The following UGT8 variants were observed in gnomAD, a reference collection of about 807,000 sequenced individuals.
UGT8 encodes UDP glycosyltransferase 8, also known as 2-hydroxyacylsphingosine 1-beta-galactosyltransferase.
A neutral mutation model predicts 40.5 loss-of-function variants in UGT8; 12 were observed. The observed-to-expected ratio is 0.30, with a 90% CI of 0.19 to 0.48. The LOEUF is 0.48. Ranked by LOEUF, UGT8 falls within the 20% of genes least tolerant of loss-of-function variation. UGT8 has a pLI of 0.99. For synonymous variants in UGT8, 224 were observed against 240.4 expected, an observed-to-expected ratio of 0.93 and a Z score of 0.63; for missense variants, 513 against 648.7, an observed-to-expected ratio of 0.79 and a Z score of 2.27.
chr4:114,601,602 C>A (rs958279046), intron 1 of UGT8, among the ~76,000 whole-genome samples: 2 of 151,896 alleles, frequency 1.3e-5, no homozygotes, highest in African/African-American at 4.8e-5. Context: ...AAAAAAAGAG[C>A]CATTATAACC....
chr4:114,634,229 A>G (rs1416335545), intron 2 of UGT8, among the ~76,000 whole-genome samples: 4 of 152,208 alleles, frequency 2.6e-5, no homozygotes, highest in African/African-American at 9.7e-5. Context: ...GTTCTTTAGG[A>G]AAATACATTG....
intron 1 of UGT8, among the ~76,000 whole-genome samples, chr4:114,622,049 G>A (rs180707182): frequency 0.013 from 1,913 of 151,522 alleles, 28 homozygotes; most frequent in African/African-American, 0.035. Flanking sequence ...GGTGTGCTGC[G>A]CCCACTAACT....
At position 114,676,298 on chromosome 4, in the gene UGT8, C is replaced by T; in HGVS notation, c.*10C>T. On this transcript the variant is annotated 3_prime_UTR_variant, in exon 6 of 6. Transcript: ENST00000310836. ...AAAGAAAGTGAAATGAGCCAACAGC[C>T]CAGGTGATAGAAATAAATTGGTTCA... 5.2e-6 allele frequency: 8 copies of T among 1,553,212 alleles called. No homozygotes were observed. Among genetic ancestry groups the T allele is most frequent in the Non-Finnish European group, 6.9e-6 (8 of 1,152,404 alleles).
chr4:114,603,062 T>G (rs1467335057), intron 1 of UGT8, among the ~76,000 whole-genome samples: 1 of 152,064 alleles, frequency 6.6e-6, no homozygotes, highest in Non-Finnish European at 1.5e-5. Flanking sequence ...AAAAAGGGGT[T>G]TGGTTACAAC....
chr4:114,607,751 C>G (rs545637687), intron 1 of UGT8, among the ~76,000 whole-genome samples: 1 of 152,106 alleles, frequency 6.6e-6, no homozygotes, highest in Admixed American at 6.5e-5. Flanking sequence ...CCCTTTATAT[C>G]TAATCTATTC....
intron 5 of UGT8, among the ~76,000 whole-genome samples, chr4:114,670,086 A>T (rs1735140764): frequency 6.6e-6 from 1 of 152,160 alleles, no homozygotes; most frequent in African/African-American, 2.4e-5. Context: ...TTATCCTGAT[A>T]CTAGAACTGG....
intron 2 of UGT8, among the ~76,000 whole-genome samples, chr4:114,661,522 C>T (rs747998554): frequency 3.9e-5 from 6 of 152,144 alleles, no homozygotes; most frequent in Non-Finnish European, 7.3e-5. Context: ...CAACTTCTGG[C>T]TCTTGCATCT....
At chr4:114,649,919 T>C (rs2126121119) in intron 2 of UGT8, among the ~76,000 whole-genome samples, 1 of 152,366 alleles carries the variant, frequency 6.6e-6, no homozygotes, top group South Asian at 2.1e-4. Context: ...TGAGAAGTAC[T>C]GATTTTTATG....
At chr4:114,606,682 T>C (rs1730753327) in intron 1 of UGT8, among the ~76,000 whole-genome samples, 1 of 151,992 alleles carries the variant, frequency 6.6e-6, no homozygotes, top group South Asian at 2.1e-4. Context: ...TGTATCTTAA[T>C]GGAGATAAAG....
chr4:114,637,676 AC>A, intron 2 of UGT8, among the ~76,000 whole-genome samples: 1 of 152,338 alleles, frequency 6.6e-6, no homozygotes, highest in East Asian at 1.9e-4. Flanking sequence ...ACATTTATTT[AC>A]TTGACTCACA....
chr4:114,666,641 A>C (rs181043882), intron 4 of UGT8, among the ~76,000 whole-genome samples: 1 of 152,288 alleles, frequency 6.6e-6, no homozygotes, highest in Admixed American at 6.5e-5. Flanking sequence ...TAACCTGACT[A>C]TCAACTATTT....
intron 1 of UGT8, among the ~76,000 whole-genome samples, chr4:114,604,812 A>T (rs1321374757): frequency 6.6e-6 from 1 of 152,144 alleles, no homozygotes. Context: ...AATGAATTTT[A>T]TATCTGTAGT....
chr4:114,600,802 G>A (rs1295546020), intron 1 of UGT8, among the ~76,000 whole-genome samples: 1 of 152,088 alleles, frequency 6.6e-6, no homozygotes, highest in African/African-American at 2.4e-5. Flanking sequence ...TATAGAAACT[G>A]TCTCTTGGTG....
intron 1 of UGT8, among the ~76,000 whole-genome samples, chr4:114,617,866 G>A (rs1205713896): frequency 1.3e-5 from 2 of 152,164 alleles, no homozygotes; most frequent in Admixed American, 6.5e-5. Flanking sequence ...AAGGATGAGA[G>A]TAAGGCTCCA....
chr4:114,620,821 A>G (rs1731739008), intron 1 of UGT8, among the ~76,000 whole-genome samples: 1 of 152,166 alleles, frequency 6.6e-6, no homozygotes, highest in Admixed American at 6.6e-5. Context: ...TTGAATGTTT[A>G]GAAGGTATAG....
At chr4:114,660,075 TAAAG>T (rs1196924947) in intron 2 of UGT8, among the ~76,000 whole-genome samples, 1 of 152,122 alleles carries the variant, frequency 6.6e-6, no homozygotes, top group East Asian at 1.9e-4. Context: ...ATTAAAACAT[TAAAG>T]AAATGATGCT....
intron 2 of UGT8, 84 bp from the exon 3 acceptor site, chr4:114,663,910 GT>G (rs921933355): frequency 7.4e-5 from 109 of 1,476,068 alleles, no homozygotes; most frequent in South Asian, 1.6e-4. Flanking sequence ...TACTTAAAAG[GT>G]TTTTTTTTAA....
At position 114,623,085 on chromosome 4, in the gene UGT8, A is replaced by G; in HGVS notation, c.205A>G (p.Ser69Gly). The G allele has an allele frequency of 6.2e-7, 1 of 1,614,192 alleles. No homozygotes were observed. Among genetic ancestry groups the G allele is most frequent in the Non-Finnish European group, 8.5e-7 (1 of 1,180,028 alleles). The change falls in exon 2 of 6, where the codon AGC becomes GGC. Residue 69 changes from serine to glycine, a missense_variant. By Grantham distance (56) the Ser-to-Gly change is moderately conservative. Coordinates refer to ENST00000310836, the MANE Select transcript of UGT8 (RefSeq NM_001128174.3). The part of the protein sequence containing the change: ...GRDIAPSNHY[S>G]LQRYPGIFNS... ...AGACATCGCCCCATCTAATCATTAC[A>G]GCCTCCAGCGCTACCCAGGGATCTT...
At chr4:114,633,758 A>G (rs1445258731) in intron 2 of UGT8, among the ~76,000 whole-genome samples, 4 of 152,180 alleles carry the variant, frequency 2.6e-5, no homozygotes, top group African/African-American at 9.7e-5. Context: ...AGCCTGACCA[A>G]CTTGGTGAAA....
Sources: gnomAD v4.1 joint callset for allele counts (sites outside exome capture counted in the v4.1 genomes callset) on GRCh38, gnomAD v4.1.1 for gene constraint, MANE v1.5 for transcripts, NCBI Gene and HGNC (gene_info 2026-07-23, HGNC 2026-07-21) for gene names.